DPP10: variants seen among roughly 807,000 people sequenced by gnomAD.
DPP10 encodes the protein dipeptidyl peptidase like 10.
A neutral mutation model predicts 120.9 loss-of-function variants in DPP10; 33 were observed. That is an observed-to-expected ratio of 0.27 (90% confidence interval 0.21 to 0.37). The LOEUF is 0.37. DPP10 is among the 10% of genes least tolerant of loss of function. The pLI is 1.00. For missense variants in DPP10, 816 were observed against 942.8 expected (o/e 0.87, Z 1.76); for synonymous variants, 337 against 326.1 (o/e 1.03, Z -0.36).
chr2:114,816,838 C>A (rs1476125660), intron 1 of DPP10, among the ~76,000 whole-genome samples: 1 of 152,138 alleles, frequency 6.6e-6, no homozygotes, highest in African/African-American at 2.4e-5. Context: ...GTCAGAGGCA[C>A]AGGAAGATCA....
intron 1 of DPP10, among the ~76,000 whole-genome samples, chr2:115,082,272 G>A (rs1708335577): frequency 6.6e-6 from 1 of 152,088 alleles, no homozygotes; most frequent in Non-Finnish European, 1.5e-5. Context: ...TGTGAGCCAA[G>A]GGGAGGTTTC....
intron 3 of DPP10, among the ~76,000 whole-genome samples, chr2:115,401,617 A>G (rs953141983): frequency 1.3e-5 from 2 of 152,166 alleles, no homozygotes; most frequent in African/African-American, 4.8e-5. Flanking sequence ...GACGCAGGGC[A>G]GTATTCCTAG....
intron 3 of DPP10, among the ~76,000 whole-genome samples, chr2:115,418,146 T>C (rs2069597105): frequency 6.6e-6 from 1 of 152,134 alleles, no homozygotes; most frequent in African/African-American, 2.4e-5. Context: ...CTTGATAGAT[T>C]GGATGTGATG....
At chr2:115,555,019 G>T (rs1429322972) in intron 5 of DPP10, among the ~76,000 whole-genome samples, 17 of 152,014 alleles carry the variant, frequency 1.1e-4, no homozygotes, top group Admixed American at 1.1e-3. Flanking sequence ...TCTAACTTCT[G>T]CATTAATATC....
chr2:115,206,467 A>C (rs1423830694), intron 1 of DPP10, among the ~76,000 whole-genome samples: 1 of 152,188 alleles, frequency 6.6e-6, no homozygotes, highest in African/African-American at 2.4e-5. Context: ...GAAGCACTGC[A>C]ATAGAAAAAA....
intron 1 of DPP10, among the ~76,000 whole-genome samples, chr2:115,113,457 C>T (rs2049337068): frequency 6.6e-6 from 1 of 151,934 alleles, no homozygotes; most frequent in Non-Finnish European, 1.5e-5. Context: ...CCATAAGAAT[C>T]CTCCTCCCCA....
intron 5 of DPP10, among the ~76,000 whole-genome samples, chr2:115,661,129 T>A (rs1369087846): frequency 1.3e-5 from 2 of 152,074 alleles, no homozygotes; most frequent in African/African-American, 4.8e-5. Flanking sequence ...TTTTGTATTT[T>A]TAGTAGGGAC....
chr2:114,989,138 G>A (rs778201317), intron 1 of DPP10, among the ~76,000 whole-genome samples: 1 of 152,128 alleles, frequency 6.6e-6, no homozygotes, highest in Non-Finnish European at 1.5e-5. Context: ...GGTGAGGTCA[G>A]GGCTGCTTTA....
chr2:115,445,233 T>G (rs891050838), intron 3 of DPP10, among the ~76,000 whole-genome samples: 6 of 152,194 alleles, frequency 3.9e-5, no homozygotes, highest in Non-Finnish European at 7.3e-5. Context: ...CTTGGGTATG[T>G]CTTTATAGGA....
At chr2:114,498,704 A>G (rs1443569005) in intron 1 of DPP10, among the ~76,000 whole-genome samples, 1 of 152,208 alleles carries the variant, frequency 6.6e-6, no homozygotes, top group Non-Finnish European at 1.5e-5. Flanking sequence ...AACTAATCCC[A>G]TGATAATGAC....
chr2:115,681,403 G>T (rs1026965195), intron 5 of DPP10, among the ~76,000 whole-genome samples: 3 of 151,510 alleles, frequency 2.0e-5, no homozygotes, highest in East Asian at 1.9e-4. Context: ...ATGTATGAGG[G>T]TATAGTGTTA....
intron 1 of DPP10, among the ~76,000 whole-genome samples, chr2:115,185,274 C>T (rs114107546): frequency 2.6e-4 from 39 of 150,438 alleles, no homozygotes; most frequent in South Asian, 2.1e-4. Flanking sequence ...TTAGACTATA[C>T]GCATACAATA....
chr2:115,813,973 A>G (rs1686949576), intron 19 of DPP10, among the ~76,000 whole-genome samples: 1 of 152,208 alleles, frequency 6.6e-6, no homozygotes, highest in Non-Finnish European at 1.5e-5. Flanking sequence ...ATATCTAGGT[A>G]TGGACCTAGA....
At chr2:114,839,187 A>T (rs879862883) in intron 1 of DPP10, among the ~76,000 whole-genome samples, 25 of 152,324 alleles carry the variant, frequency 1.6e-4, no homozygotes, top group Admixed American at 3.9e-4. Flanking sequence ...CTGTGTTGCC[A>T]CATGGGAATA....
Position 114,586,336 on chromosome 2 carries a change from C to G in DPP10, c.60+143498C>G, listed in dbSNP as rs552723418. Among the ~76,000 whole-genome samples, 4 of 152,234 alleles carry G rather than the reference C, an allele frequency of 2.6e-5. No homozygotes were observed. In the South Asian group the frequency reaches 8.3e-4, roughly 32 times the overall value. On this transcript the variant is annotated intron_variant, in intron 1 of 25. Transcript: ENST00000410059. ...TATAAGCTCTTGCCCCACATCAACC[C>G]TTGATATTTGCCATATAATATGGGA...
In DPP10 at chr2:115,197,941, C is replaced by T. The variant is rs903668462; in HGVS notation, c.61-111298C>T. On this transcript the variant is annotated intron_variant, in intron 1 of 25. Coordinates refer to ENST00000410059, the MANE Select transcript of DPP10 (RefSeq NM_020868.6). ...GCAATTTCAGTAATTTGTAGTGTAT[C>T]TCTGGACGTGATAAATGCTATTATA... Among the ~76,000 whole-genome samples the T allele has an allele frequency of 4.6e-5, 7 of 152,108 alleles. No individual in the cohort carries two copies. In the East Asian group the frequency reaches 1.3e-3, roughly 29 times the overall value.
chr2:115,800,405 A>G (rs1229100601), intron 19 of DPP10, among the ~76,000 whole-genome samples: 6 of 152,172 alleles, frequency 3.9e-5, no homozygotes, highest in African/African-American at 1.4e-4. Context: ...CTCTGACAGT[A>G]GTTTCTTTTG....
intron 1 of DPP10, among the ~76,000 whole-genome samples, chr2:114,962,242 AT>A (rs1171204964): frequency 6.6e-6 from 1 of 152,158 alleles, no homozygotes; most frequent in Non-Finnish European, 1.5e-5. Flanking sequence ...CAAGGTGAGT[AT>A]TTTGGTCTGC....
At chr2:115,027,761 G>T (rs956009180) in intron 1 of DPP10, among the ~76,000 whole-genome samples, 3 of 152,046 alleles carry the variant, frequency 2.0e-5, no homozygotes, top group African/African-American at 7.2e-5. Context: ...TTTGATGAGA[G>T]ACTTTTTATT....
Sources: gnomAD v4.1 joint callset for allele counts (sites outside exome capture counted in the v4.1 genomes callset) on GRCh38, gnomAD v4.1.1 for gene constraint, MANE v1.5 for transcripts, NCBI Gene and HGNC (gene_info 2026-07-23, HGNC 2026-07-21) for gene names.